KCND1: variants seen among roughly 807,000 people sequenced by gnomAD.
KCND1 encodes A-type voltage-gated potassium channel KCND1.
A neutral mutation model predicts 31.8 loss-of-function variants in KCND1; 11 were observed. The ratio of observed to expected loss-of-function variants is 0.35; its 90% CI spans 0.22 to 0.57. The LOEUF is 0.57. Among genes scored for constraint, KCND1 ranks in the 20% least tolerant of loss-of-function variants. The probability of loss-of-function intolerance (pLI) is 0.85; values close to 1 mark genes in which losing one functional copy is unlikely to be tolerated. For synonymous variants in KCND1, 234 were observed against 248.1 expected, an observed-to-expected ratio of 0.94 and a Z score of 0.53; for missense variants, 471 against 596.8, an observed-to-expected ratio of 0.79 and a Z score of 2.20.
intron 5 of KCND1, among the ~76,000 whole-genome samples, chrX:48,964,378 G>A (rs924831067): frequency 8.1e-5 from 9 of 110,699 alleles, no homozygotes; most frequent in Non-Finnish European, 1.5e-4. Flanking sequence ...TTAGCTGGGC[G>A]TGGTGGCGCG....
intron 5 of KCND1, among the ~76,000 whole-genome samples, chrX:48,963,787 G>C (rs1332732284): frequency 8.9e-6 from 1 of 111,934 alleles, no homozygotes; most frequent in Non-Finnish European, 1.9e-5. Flanking sequence ...TATCTCTCAT[G>C]GTTACTCCTA....
At position 48,966,794 on chromosome X, in the gene KCND1, G is replaced by A. The variant is rs782218562; in HGVS notation, c.1335C>T (p.Ala445=). ...IRLAKSGTTN[A]FLQYKQNGGL... is the part of the protein sequence containing the mutation. ...CCCCATTCTGCTTGTACTGCAGGAA[G>A]GCATTGGTGGTACCACTCTTTGCCA... The change falls in exon 3 of 6, where the codon GCC becomes GCT. Residue 445 remains alanine (A), a synonymous_variant. Transcript: ENST00000218176. 2 of 1,207,577 alleles carry A rather than the reference G, an allele frequency of 1.7e-6. No individual in the cohort carries two copies. The highest frequency in any genetic ancestry group is 2.2e-6 in the Non-Finnish European group (2 of 894,614).
Position 48,971,349 on chromosome X carries a change from T to G in KCND1, c.-1078A>C, listed in dbSNP as rs1602461982. On this transcript the variant is annotated 5_prime_UTR_variant, in exon 1 of 6. Coordinates refer to ENST00000218176, the MANE Select transcript of KCND1 (RefSeq NM_004979.6). ...AAATGGGATTAAGAGGGGGGTGGGG[T>G]GTTGAAAGGGAGTTGGGTGTGTCTC... 1.1e-5 allele frequency: 1 copy of G among 91,971 alleles called. No homozygotes were observed. The highest frequency in any genetic ancestry group is 4.1e-5 in the African/African-American group (1 of 24,324). The allele number at this position is 91,971 out of a possible 1,213,427, so 7.6% of individuals were successfully genotyped here.
Position 48,970,126 on chromosome X carries a change from C to T in KCND1, c.146G>A (p.Arg49Gln), listed in dbSNP as rs1557058724. 7 of 1,211,114 alleles carry T rather than the reference C, an allele frequency of 5.8e-6. No homozygotes were observed. Among genetic ancestry groups the T allele is most frequent in the East Asian group, 3.0e-5 (1 of 33,785 alleles). Residue 49 changes from arginine (R) to glutamine (Q), a missense_variant, in exon 1 of 6, where the codon CGG becomes CAG. Coordinates refer to ENST00000218176, the MANE Select transcript of KCND1 (RefSeq NM_004979.6). ...CGTATTCTTCCAAGTCTCAAAGCGC[C>T]GTCCGCTCACGTTCACCACCAGAAC... ...DEVLVVNVSG[R>Q]RFETWKNTLD...
rs2064382570 is a variant in KCND1, at chrX:48,970,565, G to T, written c.-294C>A. 1 of 313,034 alleles carries T rather than the reference G, an allele frequency of 3.2e-6. No individual in the cohort carries two copies. The allele number at this position is 313,034 out of a possible 1,213,427, so 25.8% of individuals were successfully genotyped here. ...GTGGGGATGGGGCCAAGAAGGAGCT[G>T]AGGGAGGGTTTAGAGAGACTGAGAT... On this transcript the variant is annotated 5_prime_UTR_variant, in exon 1 of 6. Transcript: ENST00000218176.
intron 5 of KCND1, among the ~76,000 whole-genome samples, chrX:48,965,152 A>C (rs1161594542): frequency 1.9e-5 from 2 of 104,500 alleles, no homozygotes; most frequent in African/African-American, 7.0e-5. Context: ...TCCCGGGTTC[A>C]GGCAATTCTC....
Position 48,962,743 on chromosome X carries a change from G to A in KCND1, c.1782C>T (p.Phe594=), listed in dbSNP as rs781882186. 6 of 1,208,643 alleles carry A rather than the reference G, an allele frequency of 5.0e-6. No homozygotes were observed. The highest frequency in any genetic ancestry group is 3.0e-5 in the East Asian group (1 of 33,754). The change falls in exon 6 of 6, where the codon TTC becomes TTT. Residue 594 remains phenylalanine, a synonymous_variant. Transcript: ENST00000218176. ...TAGGGATGCTGATAATGGCAGCCAC[G>A]AAGTCCCGGCTGTCGCAGTTCAGGT... ...SLDLNCDSRD[F]VAAIISIPTP...
chrX:48,962,475 G>T lies in KCND1; in HGVS notation c.*106C>A, dbSNP rs1256993727. The T allele has an allele frequency of 2.7e-5, 14 of 526,955 alleles. No individual in the cohort carries two copies. The African/African-American group carries it at 3.1e-4, about 12-fold the overall frequency. 43.4% of individuals were successfully genotyped at this position (526,955 alleles called of 1,213,427 possible). On this transcript the variant is annotated 3_prime_UTR_variant, in exon 6 of 6. Coordinates refer to ENST00000218176, the MANE Select transcript of KCND1 (RefSeq NM_004979.6). ...CCATTGCATAGTTCTCAGTGGGGGG[G>T]GCAGAAGGGGTGCCCAAGCCTGCCC...
chrX:48,965,605 G>A (rs1056940405), intron 5 of KCND1, among the ~76,000 whole-genome samples: 35 of 111,682 alleles, frequency 3.1e-4, no homozygotes, highest in Middle Eastern at 4.6e-3. Flanking sequence ...GCCAGGCGAG[G>A]TGGCTCATGT....
intron 4 of KCND1, 68 bp downstream of exon 4, chrX:48,966,510 G>T: frequency 9.4e-7 from 1 of 1,063,864 alleles, no homozygotes; most frequent in Non-Finnish European, 1.3e-6. Context: ...CCCATCCAAG[G>T]GAGAGAGCTG....
intron 5 of KCND1, among the ~76,000 whole-genome samples, chrX:48,963,917 C>T (rs782152739): frequency 8.9e-6 from 1 of 112,155 alleles, no homozygotes; most frequent in Non-Finnish European, 1.9e-5. Flanking sequence ...ATGATAGCTT[C>T]CTTGCTATGT....
At chrX:48,964,401 C>T (rs1251814073) in intron 5 of KCND1, among the ~76,000 whole-genome samples, 2 of 111,110 alleles carry the variant, frequency 1.8e-5, no homozygotes, top group Admixed American at 1.9e-4. Flanking sequence ...CCTGTAGTCT[C>T]AGCTACTTGG....
intron 1 of KCND1, 71 bp downstream of exon 1, chrX:48,969,080 C>T: frequency 2.9e-6 from 3 of 1,048,424 alleles, no homozygotes; most frequent in Admixed American, 6.4e-5. Flanking sequence ...GAGATCATTC[C>T]TTTAAACTTC....
Position 48,966,790 on chromosome X carries a change from G to C in KCND1, c.1339C>G (p.Leu447Val). 4.1e-6 allele frequency: 5 copies of C among 1,207,651 alleles called. No homozygotes were observed. Among genetic ancestry groups the C allele is most frequent in the Non-Finnish European group, 5.6e-6 (5 of 894,763 alleles). The change falls in exon 3 of 6, where the codon CTG (leucine) becomes GTG (valine). Residue 447 changes from leucine (L) to valine (V), a missense_variant. Transcript: ENST00000218176. ...AGGCCCCCATTCTGCTTGTACTGCAGGAAGGCATTGGTGGTACCACTCTTT... is the reference window on the plus strand; with the variant it reads ...AGGCCCCCATTCTGCTTGTACTGCACGAAGGCATTGGTGGTACCACTCTTT... ...LAKSGTTNAF[L>V]QYKQNGGLED...
chrX:48,970,167 T>C lies in KCND1; in HGVS notation c.105A>G (p.Ala35=), dbSNP rs782333585. ...CCACCAGAACCTCATCTCCTCGAGA[T>C]GCCTTCACCCCCGGTGCCGGGGGCA... ...QPLPPAPGVK[A]SRGDEVLVVN... The change falls in exon 1 of 6, where the codon GCA becomes GCG. Residue 35 remains alanine (A), a synonymous_variant. Transcript: ENST00000218176. The C allele has an allele frequency of 9.1e-6, 11 of 1,210,831 alleles. No individual in the cohort carries two copies. Among genetic ancestry groups the C allele is most frequent in the Non-Finnish European group, 8.9e-6 (8 of 895,104 alleles).
chrX:48,970,372 C>CA lies in KCND1; in HGVS notation c.-102dup. 1.2e-6 allele frequency: 1 copy of CA among 815,643 alleles called. No individual in the cohort carries two copies. Among genetic ancestry groups the CA allele is most frequent in the Non-Finnish European group, 1.7e-6 (1 of 588,492 alleles). 67.2% of individuals were successfully genotyped at this position (815,643 alleles called of 1,213,427 possible). A position where few individuals can be genotyped will look rare whatever the true frequency, so the allele number is the denominator to read the frequency against. On this transcript the variant is annotated 5_prime_UTR_variant, in exon 1 of 6. Transcript: ENST00000218176. ...GGGCTTGGAGACACCTTGAGCCACC[C>CA]AAACAAGGAAACTGGGGGTGTCTAG...
Position 48,970,403 on chromosome X carries a change from C to A in KCND1, c.-132G>T. The A allele has an allele frequency of 1.9e-6, 1 of 539,191 alleles. No individual in the cohort carries two copies. Among genetic ancestry groups the A allele is most frequent in the Non-Finnish European group, 2.9e-6 (1 of 344,885 alleles). 44.4% of individuals were successfully genotyped at this position (539,191 alleles called of 1,213,427 possible). On this transcript the variant is annotated 5_prime_UTR_variant, in exon 1 of 6. Coordinates refer to ENST00000218176, the MANE Select transcript of KCND1 (RefSeq NM_004979.6). Reference sequence around the variant, plus strand: ...AGGAAACTGGGGGTGTCTAGAGAGGCCAAGAGGAACCAGGAGGAAGAACTA... The same window carrying A: ...AGGAAACTGGGGGTGTCTAGAGAGGACAAGAGGAACCAGGAGGAAGAACTA...
chrX:48,966,561 C>T lies in KCND1; in HGVS notation c.1467+17G>A. 1 of 1,196,815 alleles carries T rather than the reference C, an allele frequency of 8.4e-7. No homozygotes were observed. The highest frequency in any genetic ancestry group is 2.2e-5 in the Admixed American group (1 of 45,720). On this transcript the variant is annotated intron_variant, in intron 4 of 5. Coordinates refer to ENST00000218176, the MANE Select transcript of KCND1 (RefSeq NM_004979.6). ...GACCCCCTCTATTCTGCTATATCAC[C>T]TCACATTAGGCCTCACCGTTGTCTT...
Position 48,970,482 on chromosome X carries a change from C to A in KCND1, c.-211G>T. Reference sequence around the variant, plus strand: ...TTACAGAACCTAGGAGGGGCCTGGGCAATGTTCTGAGGGACTGAGAAGGGC... The same window carrying A: ...TTACAGAACCTAGGAGGGGCCTGGGAAATGTTCTGAGGGACTGAGAAGGGC... On this transcript the variant is annotated 5_prime_UTR_variant, in exon 1 of 6. Transcript: ENST00000218176. 5.1e-6 allele frequency: 2 copies of A among 395,049 alleles called. No individual in the cohort carries two copies. Among genetic ancestry groups the A allele is most frequent in the Admixed American group, 5.0e-5 (1 of 19,955 alleles). The allele number at this position is 395,049 out of a possible 1,213,427, so 32.6% of individuals were successfully genotyped here. A position where few individuals can be genotyped will look rare whatever the true frequency, so the allele number is the denominator to read the frequency against.
Sources: allele counts gnomAD v4.1 joint callset (sites outside exome capture counted in the v4.1 genomes callset), GRCh38; gene constraint gnomAD v4.1.1; transcripts MANE v1.5; gene names NCBI Gene and HGNC (gene_info 2026-07-23, HGNC 2026-07-21).